Variants in BLM observed in about 807,000 individuals in gnomAD.
The protein encoded by BLM is BLM RecQ like helicase, also known as recQ-like DNA helicase BLM.
In BLM, 95 loss-of-function variants were observed where a neutral mutation model predicts 135.3. That is an observed-to-expected ratio of 0.70 (90% CI 0.59 to 0.83). The LOEUF (loss-of-function observed/expected upper bound fraction) is 0.83, where lower values mean the gene tolerates loss of function less well. Ranked by LOEUF, BLM falls within the 40% of genes least tolerant of loss-of-function variation. BLM has a pLI of 0.00. For missense variants in BLM, 1,518 were observed against 1,663.9 expected (o/e 0.91, Z 1.53); for synonymous variants, 520 against 589.2 (o/e 0.88, Z 1.70).
chr15:90,731,884 G>C (rs986579055), intron 1 of BLM, among the ~76,000 whole-genome samples: 2 of 151,994 alleles, frequency 1.3e-5, no homozygotes, highest in African/African-American at 2.4e-5. Context: ...ATTTTTGGTA[G>C]AGATGAGGTT....
chr15:90,813,959 C>T (rs896725841), intron 21 of BLM, among the ~76,000 whole-genome samples: 1 of 152,184 alleles, frequency 6.6e-6, no homozygotes, highest in African/African-American at 2.4e-5. Context: ...AAATGGATGG[C>T]CCAGGTGAAA....
intron 7 of BLM, 32 bp downstream of exon 7, chr15:90,761,287 A>G (rs752671910): frequency 3.8e-5 from 53 of 1,402,738 alleles, no homozygotes; most frequent in Middle Eastern, 3.8e-4. Flanking sequence ...TGCTTATATG[A>G]AAACAAAACT....
At chr15:90,773,611 C>T (rs1248156721) in intron 12 of BLM, among the ~76,000 whole-genome samples, 1 of 148,234 alleles carries the variant, frequency 6.7e-6, no homozygotes, top group East Asian at 2.0e-4. Flanking sequence ...GGAGAGTATA[C>T]CCATTAGCAG....
chr15:90,804,403 G>A (rs1897240987), intron 19 of BLM, 44 bp downstream of exon 19: 1 of 1,549,322 alleles, frequency 6.5e-7, no homozygotes, highest in Non-Finnish European at 8.9e-7. Flanking sequence ...AGATTAATAG[G>A]CCGAAAGTTA....
At chr15:90,771,418 C>T (rs768628720) in intron 12 of BLM, among the ~76,000 whole-genome samples, 11 of 151,854 alleles carry the variant, frequency 7.2e-5, no homozygotes, top group South Asian at 2.1e-4. Flanking sequence ...ACCCAGGAGG[C>T]GGAGGTTGCA....
At chr15:90,719,373 G>A (rs1176481172) in intron 1 of BLM, among the ~76,000 whole-genome samples, 2 of 152,124 alleles carry the variant, frequency 1.3e-5, no homozygotes, top group East Asian at 1.9e-4. Context: ...AGGATGAGGC[G>A]GGCGAATCAC....
At chr15:90,750,386 T>C (rs749909909) in intron 3 of BLM, among the ~76,000 whole-genome samples, 4 of 152,168 alleles carry the variant, frequency 2.6e-5, no homozygotes, top group African/African-American at 4.8e-5. Context: ...TCTGAAAATA[T>C]TGCATCACTT....
At chr15:90,782,701 C>G in intron 12 of BLM, 121 bp from the exon 13 acceptor site, 1 of 739,512 alleles carries the variant, frequency 1.4e-6, no homozygotes, top group Non-Finnish European at 2.3e-6. Context: ...CCCGGAGGCT[C>G]CAACTCCTAA....
At chr15:90,784,211 C>T (rs950669066) in intron 13 of BLM, among the ~76,000 whole-genome samples, 3 of 151,856 alleles carry the variant, frequency 2.0e-5, no homozygotes, top group African/African-American at 7.3e-5. Context: ...TTGTTTATGT[C>T]CTTGTATCAC....
intron 20 of BLM, among the ~76,000 whole-genome samples, chr15:90,810,752 A>G (rs570522049): frequency 2.0e-5 from 3 of 152,286 alleles, no homozygotes; most frequent in South Asian, 4.1e-4. Context: ...CTAAGAAACT[A>G]TTGTTCAAAG....
At chr15:90,752,742 G>C (rs944817795) in intron 4 of BLM, among the ~76,000 whole-genome samples, 3 of 152,184 alleles carry the variant, frequency 2.0e-5, no homozygotes, top group Non-Finnish European at 4.4e-5. Context: ...AAATTGCTAA[G>C]TGTCAATGTT....
At chr15:90,783,463 C>A (rs1190748427) in intron 13 of BLM, among the ~76,000 whole-genome samples, 1 of 152,154 alleles carries the variant, frequency 6.6e-6, no homozygotes, top group Non-Finnish European at 1.5e-5. Context: ...CTCACCTCCC[C>A]CAGGCAGCTA....
rs1186813751 is a variant in BLM, at chr15:90,749,573, G to A, written c.305G>A (p.Gly102Asp). ...CCAGCAGGACAGGAAACACAGAGAGGTGGATCAAAATCATTATTGCCAGAT... is the reference window on the plus strand; with the variant it reads ...CCAGCAGGACAGGAAACACAGAGAGATGGATCAAAATCATTATTGCCAGAT... ...NAPAGQETQR[G>D]GSKSLLPDFL... Residue 102 changes from glycine (G) to aspartate (D), a missense_variant, in exon 3 of 22, where the codon GGT becomes GAT. By Grantham distance (94) the Gly-to-Asp change is moderately conservative. Around this residue, in one of 5 missense-constraint regions of BLM, gnomAD observed 724 missense variants for 756.9 expected, o/e 0.96. Coordinates refer to ENST00000355112, the MANE Select transcript of BLM (RefSeq NM_000057.4). 11 of 1,614,156 alleles carry A rather than the reference G, an allele frequency of 6.8e-6. No individual in the cohort carries two copies. The highest frequency in any genetic ancestry group is 1.3e-5 in the African/African-American group (1 of 75,040).
chr15:90,791,500 G>A (rs4932364), intron 15 of BLM, among the ~76,000 whole-genome samples: 24,888 of 151,716 alleles, frequency 0.16, 2,997 homozygotes, highest in African/African-American at 0.34. Flanking sequence ...CTAGAATTCC[G>A]TAGTATGGTT....
In BLM at chr15:90,761,088, A is replaced by G. The variant is rs763355238; in HGVS notation, c.1715A>G (p.His572Arg). ...DDDDDWEDIMHNLAASKSSTA... is the reference protein window; with the variant it reads ...DDDDDWEDIMRNLAASKSSTA... The stretch of plus-strand genomic sequence containing the variant: ...GATGATGACTGGGAAGACATAATGC[A>G]TAATTTAGCAGCCAGCAAATCTTCC... Residue 572 changes from histidine to arginine, a missense_variant, in exon 7 of 22, where the codon CAT becomes CGT. Around this residue, in one of 5 missense-constraint regions of BLM, gnomAD observed 724 missense variants for 756.9 expected, o/e 0.96. Transcript: ENST00000355112. 4 of 1,557,912 alleles carry G rather than the reference A, an allele frequency of 2.6e-6. No individual in the cohort carries two copies. The highest frequency in any genetic ancestry group is 1.2e-5 in the South Asian group (1 of 80,170).
intron 4 of BLM, among the ~76,000 whole-genome samples, chr15:90,752,977 G>A (rs1306579688): frequency 6.6e-6 from 1 of 152,198 alleles, no homozygotes; most frequent in African/African-American, 2.4e-5. Context: ...GTGTCATACT[G>A]ATTCCTTGTT....
intron 12 of BLM, among the ~76,000 whole-genome samples, chr15:90,770,200 G>A (rs556749232): frequency 3.9e-5 from 5 of 126,728 alleles, no homozygotes; most frequent in Non-Finnish European, 6.3e-5. Flanking sequence ...TTGAGATGGA[G>A]TCTCGCTCTG....
chr15:90,775,226 G>A (rs77261512), intron 12 of BLM, among the ~76,000 whole-genome samples: 3,840 of 152,192 alleles, frequency 0.025, 110 homozygotes, highest in African/African-American at 0.072. Context: ...TACGGTTGAA[G>A]TTTATACTAG....
In BLM at chr15:90,769,576, A is replaced by G; in HGVS notation, c.2545A>G (p.Arg849Gly). The G allele has an allele frequency of 1.2e-6, 2 of 1,613,814 alleles. No homozygotes were observed. The highest frequency in any genetic ancestry group is 1.1e-5 in the South Asian group (1 of 91,072). ...CATCCTGACTCAGCTGAAGATTCTC[A>G]GACCTCAGGTGTAAGTTGTTGCACG... is the stretch of plus-strand genomic sequence containing the variant. ...KDILTQLKIL[R>G]PQVFSMSFNR... The change falls in exon 12 of 22, where the codon AGA (arginine) becomes GGA (glycine). Residue 849 changes from arginine to glycine, a missense_variant. Physicochemically the swap from Arg to Gly is moderately radical, Grantham distance 125 (BLOSUM62 -2). Around this residue, in one of 5 missense-constraint regions of BLM, gnomAD observed 626 missense variants for 681.1 expected, o/e 0.92. Transcript: ENST00000355112.
Sources: gnomAD v4.1 joint callset for allele counts (sites outside exome capture counted in the v4.1 genomes callset) on GRCh38, gnomAD v4.1.1 for gene constraint, gnomAD v4.1.1 regional missense constraint, MANE v1.5 for transcripts, NCBI Gene and HGNC (gene_info 2026-07-23, HGNC 2026-07-21) for gene names.